The following CDC5L variants were observed in gnomAD, a reference collection of about 807,000 sequenced individuals.
The protein encoded by CDC5L is cell division cycle 5-like protein.
CDC5L carries 18 observed loss-of-function variants against 104.1 expected under a neutral mutation model. The ratio of observed to expected loss-of-function variants is 0.17; its 90% confidence interval spans 0.12 to 0.26. CDC5L has a LOEUF of 0.26. CDC5L is among the 10% of genes least tolerant of loss of function. CDC5L has a pLI of 1.00. For synonymous variants in CDC5L, 331 were observed against 322.7 expected (o/e 1.03, Z -0.28); for missense variants, 673 against 956.9 (o/e 0.70, Z 3.91).
intron 8 of CDC5L, among the ~76,000 whole-genome samples, chr6:44,411,288 T>A (rs1160648520): frequency 6.6e-6 from 1 of 152,114 alleles, no homozygotes; most frequent in Non-Finnish European, 1.5e-5. Context: ...CTGGGATGTT[T>A]CACTGGGAGA....
Position 44,443,851 on chromosome 6 carries a change from CT to C in CDC5L, c.2092-1792del, listed in dbSNP as rs76763487. Among the ~76,000 whole-genome samples the C allele has an allele frequency of 3.8e-3, 512 of 133,434 alleles. 1 individual carries two copies. Among genetic ancestry groups the C allele is most frequent in the Admixed American group, 7.4e-3 (100 of 13,470 alleles). The allele number at this position is 133,434 out of a possible 152,430, so 87.5% of individuals were successfully genotyped here. A position where few individuals can be genotyped will look rare whatever the true frequency, so the allele number is the denominator to read the frequency against. The stretch of plus-strand genomic sequence containing the variant: ...TGGTTTCTGTTGATTTATTTTGTTG[CT>C]TTTTTTTTTTTGGAATATATTTTCC... On this transcript the variant is annotated intron_variant, in intron 14 of 15. Transcript: ENST00000371477.
chr6:44,405,417 G>T (rs1435315619), intron 6 of CDC5L, among the ~76,000 whole-genome samples: 1 of 152,170 alleles, frequency 6.6e-6, no homozygotes, highest in Non-Finnish European at 1.5e-5. Flanking sequence ...TACTAAGTGG[G>T]GGAGGCAAGA....
At chr6:44,412,097 A>G (rs983159643) in intron 8 of CDC5L, among the ~76,000 whole-genome samples, 8 of 152,322 alleles carry the variant, frequency 5.3e-5, no homozygotes, top group Admixed American at 3.3e-4. Flanking sequence ...CCCACTAGCC[A>G]TCTTCTCCTG....
intron 8 of CDC5L, among the ~76,000 whole-genome samples, chr6:44,414,114 C>G (rs1363737355): frequency 6.6e-6 from 1 of 151,616 alleles, no homozygotes; most frequent in East Asian, 2.0e-4. Context: ...GGGTCTTGCT[C>G]TGTCACACAG....
intron 5 of CDC5L, among the ~76,000 whole-genome samples, chr6:44,400,845 T>C (rs906339374): frequency 4.6e-5 from 7 of 152,222 alleles, no homozygotes; most frequent in African/African-American, 1.7e-4. Flanking sequence ...GCCAGCTGTT[T>C]ACTGTGTTGT....
chr6:44,429,894 T>A lies in CDC5L; in HGVS notation c.2075T>A (p.Leu692His). The change falls in exon 14 of 16, where the codon CTT (leucine) becomes CAT (histidine). Residue 692 changes from leucine (L) to histidine (H), a missense_variant. Physicochemically the swap from Leu to His is moderately conservative, Grantham distance 99. This residue lies in a region of CDC5L where 578 missense variants were observed against 737.0 expected (regional missense o/e 0.78). Coordinates refer to ENST00000371477, the MANE Select transcript of CDC5L (RefSeq NM_001253.4). Reference sequence around the variant, plus strand: ...AGTAAAAAGGACAGAATTGAATCACTTGAAAAGAGGCTCGAGGTTGGTATC... The same window carrying A: ...AGTAAAAAGGACAGAATTGAATCACATGAAAAGAGGCTCGAGGTTGGTATC... ...LASKKDRIES[L>H]EKRLEINRGH... 1.2e-6 allele frequency: 2 copies of A among 1,613,734 alleles called. No individual in the cohort carries two copies. Among genetic ancestry groups the A allele is most frequent in the South Asian group, 1.1e-5 (1 of 91,076 alleles).
chr6:44,435,754 C>T (rs558118577), intron 14 of CDC5L: 2 of 151,416 alleles, frequency 1.3e-5, no homozygotes, highest in African/African-American at 4.8e-5. Flanking sequence ...CTCACATTTC[C>T]TTATCTGTAA....
intron 5 of CDC5L, among the ~76,000 whole-genome samples, chr6:44,396,722 GT>G (rs1198960446): frequency 6.6e-6 from 1 of 152,102 alleles, no homozygotes; most frequent in Non-Finnish European, 1.5e-5. Context: ...TTTTGCTTGT[GT>G]TTCTGACCAG....
At chr6:44,401,191 T>G (rs1267815718) in intron 5 of CDC5L, among the ~76,000 whole-genome samples, 3 of 152,132 alleles carry the variant, frequency 2.0e-5, no homozygotes, top group African/African-American at 2.4e-5. Context: ...GTGTCCTGCT[T>G]CTTCCCCAGG....
chr6:44,440,798 C>T (rs1313129961), intron 14 of CDC5L, among the ~76,000 whole-genome samples: 1 of 150,424 alleles, frequency 6.6e-6, no homozygotes, highest in Non-Finnish European at 1.5e-5. Context: ...ACCTCTGCCT[C>T]CTGGGTTCAA....
intron 5 of CDC5L, 79 bp downstream of exon 5, chr6:44,396,519 A>G (rs564438169): frequency 3.7e-6 from 3 of 820,542 alleles, no homozygotes; most frequent in South Asian, 3.4e-5. Flanking sequence ...GTGACCAGAT[A>G]TGTGGTTTTT....
At chr6:44,442,375 TTGTGTG>T (rs149528659) in intron 14 of CDC5L, among the ~76,000 whole-genome samples, 4,263 of 145,092 alleles carry the variant, frequency 0.029, 189 homozygotes, top group African/African-American at 0.1. Flanking sequence ...TGTGTGTATG[TTGTGTG>T]TGTGTGTGTG....
At chr6:44,436,621 A>G (rs1365654238) in intron 14 of CDC5L, among the ~76,000 whole-genome samples, 1 of 152,202 alleles carries the variant, frequency 6.6e-6, no homozygotes, top group Non-Finnish European at 1.5e-5. Context: ...GAATTTTCAA[A>G]TGTACCCCAG....
intron 8 of CDC5L, among the ~76,000 whole-genome samples, chr6:44,418,250 G>C (rs954486751): frequency 6.6e-6 from 1 of 151,938 alleles, no homozygotes; most frequent in Non-Finnish European, 1.5e-5. Context: ...GCGGTGTTTG[G>C]TTTTTTTGTC....
At chr6:44,419,366 A>G in intron 8 of CDC5L, 83 bp from the exon 9 acceptor site, 1 of 1,294,190 alleles carries the variant, frequency 7.7e-7, no homozygotes, top group Non-Finnish European at 1.1e-6. Flanking sequence ...TGCCTGCTTC[A>G]AGATTGGTAT....
intron 14 of CDC5L, among the ~76,000 whole-genome samples, chr6:44,441,531 T>G (rs1421284716): frequency 1.3e-5 from 2 of 152,338 alleles, no homozygotes; most frequent in African/African-American, 2.4e-5. Flanking sequence ...TTGAGGAACC[T>G]CCATACTGTT....
chr6:44,429,579 A>T, intron 13 of CDC5L, 134 bp from the exon 14 acceptor site: 1 of 672,626 alleles, frequency 1.5e-6, no homozygotes, highest in Non-Finnish European at 2.6e-6. Context: ...ATTGTTATCC[A>T]CCCTTCCAAA....
chr6:44,392,651 G>T lies in CDC5L; in HGVS notation c.150-16G>T. On this transcript the variant is annotated splice_polypyrimidine_tract_variant and intron_variant, in intron 2 of 15. Coordinates refer to ENST00000371477, the MANE Select transcript of CDC5L (RefSeq NM_001253.4). ...CAGGTAACTGATTAATATATAAAAT[G>T]ATCTATGTTTAATAGGTATGAATGG... 1 of 1,608,348 alleles carries T rather than the reference G, an allele frequency of 6.2e-7. No individual in the cohort carries two copies. Among genetic ancestry groups the T allele is most frequent in the Non-Finnish European group, 8.5e-7 (1 of 1,176,044 alleles).
intron 7 of CDC5L, 37 bp downstream of exon 7, chr6:44,406,504 T>A: frequency 6.5e-7 from 1 of 1,538,630 alleles, no homozygotes; most frequent in Non-Finnish European, 8.9e-7. Context: ...CTATGTGAAT[T>A]TATATGCTTA....
Sources: gnomAD v4.1 joint callset for allele counts (sites outside exome capture counted in the v4.1 genomes callset) on GRCh38, gnomAD v4.1.1 for gene constraint, gnomAD v4.1.1 regional missense constraint, MANE v1.5 for transcripts, NCBI Gene and HGNC (gene_info 2026-07-23, HGNC 2026-07-21) for gene names.